GSTA3: variants seen among roughly 807,000 people sequenced by gnomAD.
GSTA3 encodes glutathione S-transferase alpha 3.
Under a neutral mutation model 23.1 loss-of-function variants are expected in GSTA3, and 16 were observed. That is an observed-to-expected ratio of 0.69 (90% CI 0.47 to 1.05). GSTA3 has a LOEUF of 1.05. Ranked by LOEUF, GSTA3 falls within the 50% of genes least tolerant of loss-of-function variation. The pLI, the probability that GSTA3 is intolerant of heterozygous loss-of-function variation, is 0.00. For missense variants in GSTA3, 319 were observed against 263.6 expected (o/e 1.21, Z -1.46); for synonymous variants, 122 against 91.0 (o/e 1.34, Z -1.94).
At chr6:52,907,828 G>A (rs1336495867) in intron 1 of GSTA3, among the ~76,000 whole-genome samples, 5 of 106,556 alleles carry the variant, frequency 4.7e-5, no homozygotes, top group Non-Finnish European at 9.7e-5. Context: ...CTGTTGTGGG[G>A]TGGGGGGAGG....
chr6:52,900,215 T>C, intron 4 of GSTA3, 140 bp from the exon 5 acceptor site: 1 of 591,914 alleles, frequency 1.7e-6, no homozygotes, highest in East Asian at 3.2e-5. Context: ...CTAGTCATTA[T>C]GCTCTGATTT....
At position 52,902,394 on chromosome 6, in the gene GSTA3, A is replaced by G. The variant is rs750017171; in HGVS notation, c.224T>C (p.Ile75Thr). The G allele has an allele frequency of 2.5e-6, 4 of 1,614,068 alleles. No individual in the cohort carries two copies. Among genetic ancestry groups the G allele is most frequent in the Non-Finnish European group, 2.5e-6 (3 of 1,179,936 alleles). The change falls in exon 4 of 7, where the codon ATT becomes ACT. Residue 75 changes from isoleucine to threonine, a missense_variant. By Grantham distance (89) the Ile-to-Thr change is moderately conservative. Coordinates refer to ENST00000211122, the MANE Select transcript of GSTA3 (RefSeq NM_000847.5). ...CCCGTAGAGGTTGTATTTGCTGGCA[A>G]TGTAGTTGAGAATGGCTCTGGTCTG... Reference protein sequence around the residue: ...LVQTRAILNYIASKYNLYGKD... With the variant: ...LVQTRAILNYTASKYNLYGKD...
At chr6:52,908,895 C>T (rs761565833) in intron 1 of GSTA3, among the ~76,000 whole-genome samples, 6 of 152,004 alleles carry the variant, frequency 3.9e-5, no homozygotes, top group Admixed American at 6.6e-5. Context: ...CCTGCTCACC[C>T]TTTGGTCCCA....
chr6:52,906,009 C>G (rs1765880225), intron 1 of GSTA3, among the ~76,000 whole-genome samples, 154 bp from the exon 2 acceptor site: 1 of 152,138 alleles, frequency 6.6e-6, no homozygotes, highest in African/African-American at 2.4e-5. Flanking sequence ...CTAGACAGGT[C>G]CAACACCAAT....
rs551825452 is a variant in GSTA3, at chr6:52,897,824, C to T, written c.546+1G>A. Reference sequence around the variant, plus strand: ...TCTCTGAGGGCTGTGAAATGGGTCACCTTCAGCAGAGGGAAGTTGGAGATA... The same window carrying T: ...TCTCTGAGGGCTGTGAAATGGGTCATCTTCAGCAGAGGGAAGTTGGAGATA... On this transcript the variant is annotated splice_donor_variant, in intron 6 of 6. Coordinates refer to ENST00000211122, the MANE Select transcript of GSTA3 (RefSeq NM_000847.5). LOFTEE classifies it high-confidence loss of function. 30 of 1,613,364 alleles carry T rather than the reference C, an allele frequency of 1.9e-5. 2 individuals carry two copies. The South Asian group carries it at 3.0e-4, about 16-fold the overall frequency.
intron 5 of GSTA3, 85 bp from the exon 6 acceptor site, chr6:52,898,041 A>T: frequency 1.3e-6 from 2 of 1,483,744 alleles, no homozygotes; most frequent in South Asian, 2.3e-5. Flanking sequence ...CCAGCCTGAC[A>T]TTCCCACCTG....
chr6:52,904,049 T>C (rs1236369031), intron 2 of GSTA3, among the ~76,000 whole-genome samples: 4 of 152,074 alleles, frequency 2.6e-5, no homozygotes, highest in Non-Finnish European at 5.9e-5. Flanking sequence ...TACAGTGGTA[T>C]GATCATGGCT....
At chr6:52,905,884 G>A in intron 1 of GSTA3, 29 bp from the exon 2 acceptor site, 1 of 1,119,014 alleles carries the variant, frequency 8.9e-7, no homozygotes, top group South Asian at 1.3e-5. Context: ...TGCATGAATG[G>A]ATGAATGAAT....
At chr6:52,907,831 G>A in intron 1 of GSTA3, among the ~76,000 whole-genome samples, 1 of 111,648 alleles carries the variant, frequency 9.0e-6, no homozygotes, top group African/African-American at 3.1e-5. Context: ...TTGTGGGGTG[G>A]GGGGAGGGGG....
At position 52,902,366 on chromosome 6, in the gene GSTA3, T is replaced by C. The variant is rs772516567; in HGVS notation, c.252A>G (p.Lys84=). 9 of 1,613,938 alleles carry C rather than the reference T, an allele frequency of 5.6e-6. No homozygotes were observed. In the South Asian group the frequency reaches 9.9e-5, roughly 18 times the overall value. ...YIASKYNLYG[K]DIKERALIDM... Reference sequence around the variant, plus strand: ...CGTACAGGGCTCTCTCCTTTATGTCTTTCCCGTAGAGGTTGTATTTGCTGG... The same window carrying C: ...CGTACAGGGCTCTCTCCTTTATGTCCTTCCCGTAGAGGTTGTATTTGCTGG... Residue 84 remains lysine, a synonymous_variant, in exon 4 of 7, where the codon AAA becomes AAG. Coordinates refer to ENST00000211122, the MANE Select transcript of GSTA3 (RefSeq NM_000847.5).
chr6:52,904,066 A>G (rs1282158617), intron 2 of GSTA3, among the ~76,000 whole-genome samples: 1 of 152,070 alleles, frequency 6.6e-6, no homozygotes, highest in East Asian at 1.9e-4. Flanking sequence ...GGCTCATTGC[A>G]GCCTTGATCT....
In GSTA3 at chr6:52,904,025, C is replaced by T. The variant is rs45448194; in HGVS notation, c.88-298G>A. On this transcript the variant is annotated intron_variant, in intron 2 of 6. Transcript: ENST00000211122. ...TTTTTGAGACAGAGTCTCACTTTGTCGCCCAGGCTTAAGTACAGTGGTATG... is the reference window on the plus strand; with the variant it reads ...TTTTTGAGACAGAGTCTCACTTTGTTGCCCAGGCTTAAGTACAGTGGTATG... 7.0e-3 allele frequency among the ~76,000 whole-genome samples: 1,064 copies of T among 151,466 alleles called. 10 individuals carry two copies. The highest frequency in any genetic ancestry group is 0.024 in the African/African-American group (972 of 40,850).
At position 52,896,823 on chromosome 6, in the gene GSTA3, T is replaced by A. The variant is rs1397281936; in HGVS notation, c.652A>T (p.Lys218Ter). 6.2e-7 allele frequency: 1 copy of A among 1,613,940 alleles called. No homozygotes were observed. Among genetic ancestry groups the A allele is most frequent in the Admixed American group, 1.7e-5 (1 of 60,006 alleles). Residue 218 changes from lysine to a stop codon, truncating the protein, a stop_gained, in exon 7 of 7, where the codon AAG becomes TAG. Coordinates refer to ENST00000211122, the MANE Select transcript of GSTA3 (RefSeq NM_000847.5). LOFTEE classifies it high-confidence loss of function. ...ADAKALEEARKIFRF is the reference protein window; with the variant it reads ...ADAKALEEAR ...CTGCTTTATTAAAACCTGAAAATCT[T>A]TCTGGCTTCTTCTAAAGCTTTTGCA... is the stretch of plus-strand genomic sequence containing the variant.
At chr6:52,904,787 C>T (rs1305608352) in intron 2 of GSTA3, among the ~76,000 whole-genome samples, 2 of 152,196 alleles carry the variant, frequency 1.3e-5, no homozygotes. Flanking sequence ...CCACAGACAC[C>T]TCCCAGCATT....
chr6:52,901,509 G>A (rs142032458), intron 4 of GSTA3, among the ~76,000 whole-genome samples: 3 of 152,204 alleles, frequency 2.0e-5, no homozygotes, highest in African/African-American at 4.8e-5. Context: ...GGCACACTTT[G>A]TTCCTCCATT....
At chr6:52,903,466 TG>T (rs1337832124) in intron 3 of GSTA3, among the ~76,000 whole-genome samples, 4 of 150,664 alleles carry the variant, frequency 2.7e-5, no homozygotes, top group Non-Finnish European at 5.9e-5. Flanking sequence ...GTGTGGTGTC[TG>T]GCGCCTGTAG....
At position 52,902,479 on chromosome 6, in the gene GSTA3, CT is replaced by C; in HGVS notation, c.140-2del. On this transcript the variant is annotated splice_acceptor_variant, in intron 3 of 6. Coordinates refer to ENST00000211122, the MANE Select transcript of GSTA3 (RefSeq NM_000847.5). LOFTEE classifies it high-confidence loss of function. ...ACTTGCTGGAACATCAAACTCCCATCTTTAGAAAGAAGGAAAAAAAAGGAAC... is the reference window on the plus strand; with the variant it reads ...ACTTGCTGGAACATCAAACTCCCATCTTAGAAAGAAGGAAAAAAAAGGAAC... 6.2e-7 allele frequency: 1 copy of C among 1,600,002 alleles called. No individual in the cohort carries two copies. The highest frequency in any genetic ancestry group is 8.5e-7 in the Non-Finnish European group (1 of 1,175,870).
Position 52,905,798 on chromosome 6 carries a change from G to C in GSTA3, c.37C>G (p.Arg13Gly). ...CACCGGATGGGCTCCATTCTGCCCCGTCCATTGAAGTAGTGAAGCTTGGGC... is the reference window on the plus strand; with the variant it reads ...CACCGGATGGGCTCCATTCTGCCCCCTCCATTGAAGTAGTGAAGCTTGGGC... ...GKPKLHYFNGRGRMEPIRWLL... is the reference protein window; with the variant it reads ...GKPKLHYFNGGGRMEPIRWLL... The change falls in exon 2 of 7, where the codon CGG (arginine) becomes GGG (glycine). Residue 13 changes from arginine (R) to glycine (G), a missense_variant. Arg to Gly is a moderately radical substitution (Grantham distance 125, BLOSUM62 -2). Transcript: ENST00000211122. The C allele has an allele frequency of 6.2e-7, 1 of 1,609,922 alleles. No individual in the cohort carries two copies. Among genetic ancestry groups the C allele is most frequent in the Middle Eastern group, 1.7e-4 (1 of 6,050 alleles).
At chr6:52,905,219 C>A (rs747207170) in intron 2 of GSTA3, among the ~76,000 whole-genome samples, 22 of 152,210 alleles carry the variant, frequency 1.4e-4, no homozygotes, top group Middle Eastern at 3.4e-3. Flanking sequence ...AATCACCAAC[C>A]CAAGCCTGTC....
Sources: allele counts gnomAD v4.1 joint callset (sites outside exome capture counted in the v4.1 genomes callset), GRCh38; gene constraint gnomAD v4.1.1; transcripts MANE v1.5; gene names NCBI Gene and HGNC (gene_info 2026-07-23, HGNC 2026-07-21).